Variants in LYAR observed in about 807,000 individuals in gnomAD.
The protein encoded by LYAR is cell growth-regulating nucleolar protein.
In LYAR, 37 loss-of-function variants were observed where a neutral mutation model predicts 45.2. The ratio of observed to expected loss-of-function variants is 0.82; its 90% CI spans 0.63 to 1.08. The LOEUF (loss-of-function observed/expected upper bound fraction) is 1.08, where lower values mean the gene tolerates loss of function less well. Among genes scored for constraint, LYAR ranks in the 50% least tolerant of loss-of-function variants. LYAR has a pLI of 0.00. For synonymous variants in LYAR, 176 were observed against 155.1 expected, an observed-to-expected ratio of 1.14 and a Z score of -1.00; for missense variants, 493 against 451.0, an observed-to-expected ratio of 1.09 and a Z score of -0.84.
At chr4:4,279,196 G>A (rs919841371) in intron 6 of LYAR, among the ~76,000 whole-genome samples, 1 of 151,976 alleles carries the variant, frequency 6.6e-6, no homozygotes, top group African/African-American at 2.4e-5. Flanking sequence ...AGCTGGGCAT[G>A]ATGGCTCGTG....
At chr4:4,271,757 AACTG>A (rs1467153770) in intron 8 of LYAR, among the ~76,000 whole-genome samples, 2 of 152,182 alleles carry the variant, frequency 1.3e-5, no homozygotes, top group Non-Finnish European at 2.9e-5. Flanking sequence ...GCTTCAGAAA[AACTG>A]ACTTAGTTCA....
chr4:4,279,388 A>G, intron 6 of LYAR, 59 bp downstream of exon 6: 1 of 1,138,110 alleles, frequency 8.8e-7, no homozygotes, highest in South Asian at 1.4e-5. Flanking sequence ...AGAAATTCCC[A>G]TTTCATTATT....
At chr4:4,280,295 T>C (rs779171762) in intron 4 of LYAR, among the ~76,000 whole-genome samples, 3 of 152,166 alleles carry the variant, frequency 2.0e-5, no homozygotes, top group Admixed American at 6.6e-5. Flanking sequence ...AAACATTCCG[T>C]ACTCATGGAC....
chr4:4,271,702 A>T (rs932710048), intron 8 of LYAR, among the ~76,000 whole-genome samples: 1 of 152,206 alleles, frequency 6.6e-6, no homozygotes, highest in Non-Finnish European at 1.5e-5. Flanking sequence ...GTTTCTTAGA[A>T]AAGAAAGAAT....
chr4:4,288,486 CTTTTTTTTTTTTTTT>C (rs11338207), intron 1 of LYAR, among the ~76,000 whole-genome samples: 1 of 121,022 alleles, frequency 8.3e-6, no homozygotes, highest in South Asian at 2.6e-4. Flanking sequence ...AATTTTTTTT[CTTTTTTTTTTTTTTT>C]TTGAGACGGA....
Position 4,267,853 on chromosome 4 carries a change from C to A in LYAR, c.*36G>T. 2 of 1,540,492 alleles carry A rather than the reference C, an allele frequency of 1.3e-6. No homozygotes were observed. The highest frequency in any genetic ancestry group is 8.8e-7 in the Non-Finnish European group (1 of 1,142,154). ...ATAAACAGCAGTGAAAGGAAGAAGTCAGCAGAATGGATTCAATTTTTAAAT... is the reference window on the plus strand; with the variant it reads ...ATAAACAGCAGTGAAAGGAAGAAGTAAGCAGAATGGATTCAATTTTTAAAT... On this transcript the variant is annotated 3_prime_UTR_variant, in exon 10 of 10. Coordinates refer to ENST00000343470, the MANE Select transcript of LYAR (RefSeq NM_017816.3).
chr4:4,290,109 C>T lies in LYAR; in HGVS notation c.-181G>A, dbSNP rs1430923616. 2 of 152,644 alleles carry T rather than the reference C, an allele frequency of 1.3e-5. No homozygotes were observed. Among genetic ancestry groups the T allele is most frequent in the Non-Finnish European group, 2.9e-5 (2 of 68,368 alleles). The allele number at this position is 152,644 out of a possible 1,614,324, so 9.5% of individuals were successfully genotyped here. On this transcript the variant is annotated 5_prime_UTR_variant, in exon 1 of 10. Transcript: ENST00000343470. ...TGGACTCGCCGCCGCCAGCCCAGCG[C>T]CGCAGCTACCTGCCTCTCAGGCTTC... is the stretch of plus-strand genomic sequence containing the variant.
intron 6 of LYAR, 134 bp from the exon 7 acceptor site, chr4:4,274,903 T>G: frequency 1.3e-6 from 1 of 786,908 alleles, no homozygotes; most frequent in South Asian, 1.9e-5. Context: ...GTTTTATAAC[T>G]GTGACCCCCA....
chr4:4,275,257 C>T (rs762836184), intron 6 of LYAR, among the ~76,000 whole-genome samples: 11 of 152,134 alleles, frequency 7.2e-5, no homozygotes, highest in Admixed American at 1.3e-4. Context: ...ACCTCACACA[C>T]GGACGGATGA....
In LYAR at chr4:4,279,624, A is replaced by C; in HGVS notation, c.345+18T>G. 1 of 1,605,942 alleles carries C rather than the reference A, an allele frequency of 6.2e-7. No homozygotes were observed. Among genetic ancestry groups the C allele is most frequent in the South Asian group, 1.1e-5 (1 of 90,872 alleles). On this transcript the variant is annotated intron_variant, in intron 5 of 9. Transcript: ENST00000343470. ...ATGGGCCACACGGCCCCCTCCATTC[A>C]AGAAAGTCAATTCATACCTGAAATT...
chr4:4,280,876 A>C (rs1488610221), intron 4 of LYAR, among the ~76,000 whole-genome samples: 1 of 152,188 alleles, frequency 6.6e-6, no homozygotes, highest in Admixed American at 6.5e-5. Context: ...TTTTAGAAAA[A>C]CACAGAATTT....
At chr4:4,273,765 G>T in intron 7 of LYAR, 96 bp from the exon 8 acceptor site, 1 of 683,462 alleles carries the variant, frequency 1.5e-6, no homozygotes, top group Non-Finnish European at 2.5e-6. Context: ...CAAACTCCAC[G>T]TATCATCTCA....
chr4:4,279,827 C>T (rs1359655958), intron 4 of LYAR, 78 bp from the exon 5 acceptor site: 5 of 894,716 alleles, frequency 5.6e-6, no homozygotes, highest in African/African-American at 1.7e-5. Context: ...TGAAAAAGTC[C>T]TTGCCATGGC....
intron 8 of LYAR, among the ~76,000 whole-genome samples, chr4:4,269,940 T>C (rs1471555019): frequency 2.6e-5 from 4 of 152,182 alleles, no homozygotes; most frequent in African/African-American, 9.7e-5. Flanking sequence ...TAAGTTGAGC[T>C]GGGCATGGTG....
intron 1 of LYAR, among the ~76,000 whole-genome samples, chr4:4,286,831 T>C (rs920235053): frequency 6.6e-6 from 1 of 152,026 alleles, no homozygotes; most frequent in Non-Finnish European, 1.5e-5. Context: ...TATTTTTTAG[T>C]AGAGATAGAT....
chr4:4,278,374 ATCAAC>A (rs1719272988), intron 6 of LYAR, among the ~76,000 whole-genome samples: 2 of 152,214 alleles, frequency 1.3e-5, no homozygotes, highest in South Asian at 4.1e-4. Flanking sequence ...AAACAATGTA[ATCAAC>A]AATGTGGCTG....
Position 4,274,347 on chromosome 4 carries a change from A to T in LYAR, c.832+20T>A. ...TTCCCGGTTTTCAGATGAATCCCAG[A>T]GCGTGAGCTAGCCACTTACCTTCCG... On this transcript the variant is annotated intron_variant, in intron 7 of 9. Transcript: ENST00000343470. 1 of 1,599,670 alleles carries T rather than the reference A, an allele frequency of 6.3e-7. No homozygotes were observed. Among genetic ancestry groups the T allele is most frequent in the Non-Finnish European group, 8.5e-7 (1 of 1,172,002 alleles).
intron 8 of LYAR, among the ~76,000 whole-genome samples, chr4:4,272,239 C>T (rs557533191): frequency 3.9e-5 from 6 of 152,252 alleles, no homozygotes; most frequent in South Asian, 2.1e-4. Context: ...AAAGGGTACG[C>T]GGATACATAA....
intron 4 of LYAR, among the ~76,000 whole-genome samples, chr4:4,279,981 G>A (rs1719335014): frequency 6.6e-6 from 1 of 152,188 alleles, no homozygotes; most frequent in South Asian, 2.1e-4. Context: ...TAACTGCAAA[G>A]GATGAAGTAA....
Sources: allele counts gnomAD v4.1 joint callset (sites outside exome capture counted in the v4.1 genomes callset), GRCh38; gene constraint gnomAD v4.1.1; transcripts MANE v1.5; gene names NCBI Gene and HGNC (gene_info 2026-07-23, HGNC 2026-07-21).